The following CREB5 variants were observed in gnomAD, a reference collection of about 807,000 sequenced individuals.
The protein encoded by CREB5 is cAMP responsive element binding protein 5, also known as cyclic AMP-responsive element-binding protein 5.
CREB5 carries 19 observed loss-of-function variants against 57.1 expected under a neutral mutation model. That is an observed-to-expected ratio of 0.33 (90% CI 0.23 to 0.49). The LOEUF is 0.49. Ranked by LOEUF, CREB5 falls within the 20% of genes least tolerant of loss-of-function variation. The pLI is 0.99. For synonymous variants in CREB5, 238 were observed against 238.3 expected (o/e 1.00, Z 0.01); for missense variants, 579 against 671.6 (o/e 0.86, Z 1.52).
intron 5 of CREB5, among the ~76,000 whole-genome samples, chr7:28,578,703 A>C (rs141537319): frequency 1.7e-4 from 26 of 152,346 alleles, no homozygotes; most frequent in African/African-American, 6.0e-4. Flanking sequence ...GAGATAGCCT[A>C]TGATGCCCTT....
At chr7:28,353,937 C>G (rs1541510) in intron 1 of CREB5, among the ~76,000 whole-genome samples, 54,770 of 151,750 alleles carry the variant, frequency 0.36, 10,010 homozygotes, top group Non-Finnish European at 0.39. Flanking sequence ...GAAGTGGACA[C>G]ACAAAGCTCT....
chr7:28,665,634 A>G (rs1799794888), intron 5 of CREB5, among the ~76,000 whole-genome samples: 1 of 152,222 alleles, frequency 6.6e-6, no homozygotes, highest in Non-Finnish European at 1.5e-5. Flanking sequence ...TTTGGTAAGA[A>G]AGAGGAATTT....
intron 5 of CREB5, among the ~76,000 whole-genome samples, chr7:28,635,263 G>T (rs1798372412): frequency 6.6e-6 from 1 of 152,104 alleles, no homozygotes; most frequent in Admixed American, 6.6e-5. Flanking sequence ...TTATCCTGCA[G>T]GTGTAATACA....
chr7:28,352,094 T>C (rs1040656328), intron 1 of CREB5, among the ~76,000 whole-genome samples: 1 of 152,262 alleles, frequency 6.6e-6, no homozygotes, highest in African/African-American at 2.4e-5. Context: ...GCTGCTATGT[T>C]ATCATCAAAA....
At chr7:28,486,670 TTATATATA>T (rs139222705) in intron 1 of CREB5, among the ~76,000 whole-genome samples, 26 of 89,148 alleles carry the variant, frequency 2.9e-4, no homozygotes, top group Non-Finnish European at 4.4e-4. Flanking sequence ...TCCTATGATT[TTATATATA>T]TATATATATA....
At chr7:28,751,204 G>A (rs1371779608) in intron 7 of CREB5, among the ~76,000 whole-genome samples, 1 of 119,440 alleles carries the variant, frequency 8.4e-6, no homozygotes, top group African/African-American at 3.2e-5. Flanking sequence ...GGGGTGGGGG[G>A]TGGGGGGACA....
At chr7:28,541,174 A>G (rs1794195557) in intron 4 of CREB5, among the ~76,000 whole-genome samples, 1 of 152,252 alleles carries the variant, frequency 6.6e-6, no homozygotes, top group African/African-American at 2.4e-5. Flanking sequence ...AATGCTATTA[A>G]ATTAAGTACG....
intron 1 of CREB5, among the ~76,000 whole-genome samples, chr7:28,421,879 A>G (rs1788276125): frequency 6.7e-6 from 1 of 148,384 alleles, no homozygotes; most frequent in Non-Finnish European, 1.5e-5. Context: ...TATATATGGT[A>G]TATATATAAA....
At chr7:28,486,489 A>T (rs1324508845) in intron 1 of CREB5, among the ~76,000 whole-genome samples, 1 of 151,516 alleles carries the variant, frequency 6.6e-6, no homozygotes, top group Non-Finnish European at 1.5e-5. Flanking sequence ...TAAGAAGGCA[A>T]ATTACTTCCT....
At chr7:28,449,716 G>C (rs1789692735) in intron 1 of CREB5, among the ~76,000 whole-genome samples, 1 of 152,124 alleles carries the variant, frequency 6.6e-6, no homozygotes, top group Non-Finnish European at 1.5e-5. Flanking sequence ...TTCTCTGGGG[G>C]ACCTGAGGTC....
chr7:28,362,757 C>T (rs1786512017), intron 1 of CREB5, among the ~76,000 whole-genome samples: 1 of 152,122 alleles, frequency 6.6e-6, no homozygotes, highest in African/African-American at 2.4e-5. Context: ...TAGAGGTACA[C>T]ACACATGAAA....
At chr7:28,575,056 C>T (rs1031025267) in intron 5 of CREB5, among the ~76,000 whole-genome samples, 5 of 152,146 alleles carry the variant, frequency 3.3e-5, no homozygotes, top group African/African-American at 1.2e-4. Context: ...CTCCTCTTAC[C>T]TTTTCTGTGC....
chr7:28,556,117 A>T (rs950211559), intron 4 of CREB5, among the ~76,000 whole-genome samples: 1 of 152,154 alleles, frequency 6.6e-6, no homozygotes, highest in South Asian at 2.1e-4. Flanking sequence ...TAGGTAGAGA[A>T]ATGCAGCTTC....
chr7:28,587,122 C>T (rs928175614), intron 5 of CREB5, among the ~76,000 whole-genome samples: 3 of 152,206 alleles, frequency 2.0e-5, no homozygotes, highest in Non-Finnish European at 4.4e-5. Flanking sequence ...TTTATCTATA[C>T]TTGGCTTCAT....
intron 1 of CREB5, among the ~76,000 whole-genome samples, chr7:28,316,593 C>G (rs557129684): frequency 2.0e-5 from 3 of 151,898 alleles, no homozygotes; most frequent in Admixed American, 2.0e-4. Context: ...CATCTCGTAT[C>G]GCTCCTGCCA....
chr7:28,692,198 A>AG (rs397971193), intron 5 of CREB5, among the ~76,000 whole-genome samples: 38 of 147,984 alleles, frequency 2.6e-4, no homozygotes, highest in Admixed American at 1.8e-3. Flanking sequence ...AAAAAAAAAA[A>AG]GCAGCAGCTG....
Position 28,534,961 on chromosome 7 carries a change from G to C in CREB5, c.291+27224G>C, listed in dbSNP as rs1177575811. Among the ~76,000 whole-genome samples the C allele has an allele frequency of 1.4e-5, 2 of 141,236 alleles. 1 individual carries two copies. The highest frequency in any genetic ancestry group is 5.2e-5 in the African/African-American group (2 of 38,404). 92.7% of individuals were successfully genotyped at this position (141,236 alleles called of 152,430 possible). On this transcript the variant is annotated intron_variant, in intron 4 of 10. Transcript: ENST00000357727. ...CCCTGATGTCCCGTATCACCTCCCA[G>C]TTATTTATTTATATTTAGAAATGTA...
chr7:28,560,903 C>CGTGTGT (rs1477125869), intron 4 of CREB5, among the ~76,000 whole-genome samples: 3 of 26,132 alleles, frequency 1.1e-4, no homozygotes, highest in Admixed American at 3.2e-4. Context: ...TGTGCGTGCG[C>CGTGTGT]GCGTGCGTGT....
At chr7:28,588,805 C>G (rs1207123101) in intron 5 of CREB5, among the ~76,000 whole-genome samples, 1 of 152,122 alleles carries the variant, frequency 6.6e-6, no homozygotes, top group Non-Finnish European at 1.5e-5. Context: ...CTATTTTTGG[C>G]TTCTGTTTTC....
Sources: gnomAD v4.1 joint callset for allele counts (sites outside exome capture counted in the v4.1 genomes callset) on GRCh38, gnomAD v4.1.1 for gene constraint, MANE v1.5 for transcripts, NCBI Gene and HGNC (gene_info 2026-07-23, HGNC 2026-07-21) for gene names.